Variants in BEAN1 observed in about 807,000 individuals in gnomAD.
BEAN1 encodes the protein protein BEAN1.
Under a neutral mutation model 17.7 loss-of-function variants are expected in BEAN1, and 17 were observed. That is an observed-to-expected ratio of 0.96 (90% CI 0.66 to 1.44). The LOEUF (loss-of-function observed/expected upper bound fraction) is 1.44. Among genes scored for constraint, BEAN1 ranks in the 40% most tolerant of loss-of-function variants. BEAN1 has a pLI of 0.00. For missense variants in BEAN1, 359 were observed against 374.1 expected (o/e 0.96, Z 0.33); for synonymous variants, 142 against 151.8 (o/e 0.94, Z 0.47).
chr16:66,483,566 C>A (rs996638245), downstream of BEAN1: 2 of 152,484 alleles, frequency 1.3e-5, no homozygotes, highest in East Asian at 1.9e-4. Context: ...CCCTCCACAA[C>A]ACCATGGCTT....
intron 4 of BEAN1, among the ~76,000 whole-genome samples, chr16:66,479,731 AAGGAGGG>A (rs1963912402): frequency 2.6e-5 from 4 of 152,068 alleles, no homozygotes; most frequent in Non-Finnish European, 5.9e-5. Context: ...ATGGAGCCAG[AAGGAGGG>A]AGTTATGCCC....
At chr16:66,438,489 G>T (rs1962120192) in intron 2 of BEAN1, among the ~76,000 whole-genome samples, 1 of 152,114 alleles carries the variant, frequency 6.6e-6, no homozygotes, top group Non-Finnish European at 1.5e-5. Flanking sequence ...TGTTTCATGG[G>T]ATTGGTGTTC....
intron 4 of BEAN1, among the ~76,000 whole-genome samples, chr16:66,487,973 G>T (rs1211076439): frequency 6.6e-6 from 1 of 152,170 alleles, no homozygotes; most frequent in Non-Finnish European, 1.5e-5. Flanking sequence ...TCCAACTGTT[G>T]AAGGAGGCTG....
chr16:66,449,450 A>G (rs898330935), intron 2 of BEAN1, among the ~76,000 whole-genome samples: 1 of 151,840 alleles, frequency 6.6e-6, no homozygotes, highest in African/African-American at 2.4e-5. Flanking sequence ...TCTACTAAAT[A>G]TACAAAATTA....
At chr16:66,456,960 G>C (rs1335044143) in intron 2 of BEAN1, among the ~76,000 whole-genome samples, 1 of 152,166 alleles carries the variant, frequency 6.6e-6, no homozygotes, top group Non-Finnish European at 1.5e-5. Flanking sequence ...TATTTTTCCA[G>C]TTACGTTTTA....
chr16:66,434,446 C>T lies in BEAN1; in HGVS notation c.-82-3149C>T, dbSNP rs1019992126. 2.6e-5 allele frequency among the ~76,000 whole-genome samples: 4 copies of T among 152,106 alleles called. No homozygotes were observed. The highest frequency in any genetic ancestry group is 2.9e-5 in the Non-Finnish European group (2 of 68,014). ...CCAGGGAGTGGTTTTCTTCTGGGTCCTCCGGCAGAAATCCTGGAGTGGGGG... is the reference window on the plus strand; with the variant it reads ...CCAGGGAGTGGTTTTCTTCTGGGTCTTCCGGCAGAAATCCTGGAGTGGGGG... On this transcript the variant is annotated intron_variant, in intron 1 of 4. Coordinates refer to ENST00000536005, the MANE Select transcript of BEAN1 (RefSeq NM_001178020.3). The surrounding 1 kb of genome is among the most constrained non-coding windows in gnomAD (Gnocchi z 4.3).
At chr16:66,478,418 C>G (rs1348304808) in intron 4 of BEAN1, among the ~76,000 whole-genome samples, 3 of 151,458 alleles carry the variant, frequency 2.0e-5, no homozygotes, top group Non-Finnish European at 2.9e-5. Flanking sequence ...CTGGCTAACA[C>G]GGTGAAACCC....
intron 2 of BEAN1, among the ~76,000 whole-genome samples, chr16:66,457,174 T>G (rs570450090): frequency 1.3e-5 from 2 of 152,172 alleles, no homozygotes; most frequent in Non-Finnish European, 2.9e-5. Context: ...CAGGCATGAA[T>G]TAAGTGTTTG....
At chr16:66,454,539 A>G (rs1247443017) in intron 2 of BEAN1, among the ~76,000 whole-genome samples, 1 of 152,162 alleles carries the variant, frequency 6.6e-6, no homozygotes, top group Non-Finnish European at 1.5e-5. Context: ...TGATATCAGC[A>G]TAACCACTCA....
intron 1 of BEAN1, among the ~76,000 whole-genome samples, chr16:66,432,544 A>G (rs912170015): frequency 1.3e-5 from 2 of 152,248 alleles, no homozygotes; most frequent in African/African-American, 4.8e-5. Flanking sequence ...CCCCTGTGAC[A>G]TGGCATCATG....
Position 66,473,724 on chromosome 16 carries a change from T to A in BEAN1, c.290-3836T>A, listed in dbSNP as rs572908850. Among the ~76,000 whole-genome samples, 28 of 151,478 alleles carry A rather than the reference T, an allele frequency of 1.8e-4. No individual in the cohort carries two copies. In the East Asian group the frequency reaches 1.9e-3, roughly 10 times the overall value. On this transcript the variant is annotated intron_variant, in intron 3 of 4. Coordinates refer to ENST00000536005, the MANE Select transcript of BEAN1 (RefSeq NM_001178020.3). The surrounding 1 kb of genome is among the most constrained non-coding windows in gnomAD (Gnocchi z 4.5). ...AATAAATAAATAAATAAATAAATAA[T>A]AAATAATAAATAAAGAGGGAGGGGC...
Position 66,481,088 on chromosome 16 carries a change from C to G in BEAN1, c.*163C>G. The G allele has an allele frequency of 1.7e-6, 1 of 581,664 alleles. No individual in the cohort carries two copies. The highest frequency in any genetic ancestry group is 2.9e-6 in the Non-Finnish European group (1 of 344,840). The allele number at this position is 581,664 out of a possible 1,614,324, so 36.0% of individuals were successfully genotyped here. A position where few individuals can be genotyped will look rare whatever the true frequency, so the allele number is the denominator to read the frequency against. Reference sequence around the variant, plus strand: ...CATCTACACTGACATACCCCATGTACACACACAGATCTAGACGTGCTCCAC... The same window carrying G: ...CATCTACACTGACATACCCCATGTAGACACACAGATCTAGACGTGCTCCAC... On this transcript the variant is annotated 3_prime_UTR_variant, in exon 5 of 5. Transcript: ENST00000536005. The surrounding 1 kb of genome is among the most constrained non-coding windows in gnomAD (Gnocchi z 4.1).
intron 4 of BEAN1, among the ~76,000 whole-genome samples, chr16:66,490,449 TAAA>T (rs897808289): frequency 3.5e-5 from 5 of 142,488 alleles, no homozygotes; most frequent in South Asian, 2.2e-4. Context: ...TAAAATAAAA[TAAA>T]ATAATAAAAT....
downstream of BEAN1, among the ~76,000 whole-genome samples, chr16:66,494,564 A>T (rs1489287312): frequency 4.6e-5 from 7 of 152,154 alleles, no homozygotes; most frequent in Admixed American, 1.3e-4. Flanking sequence ...TGCAGCTCTG[A>T]GTAGCCGCTT....
intron 2 of BEAN1, among the ~76,000 whole-genome samples, chr16:66,461,479 C>T (rs780716270): frequency 7.9e-5 from 12 of 151,984 alleles, no homozygotes; most frequent in Non-Finnish European, 1.5e-4. Context: ...CTGCTGCTGA[C>T]GCAGGTGAAG....
chr16:66,428,981 G>A (rs977106975), intron 1 of BEAN1, among the ~76,000 whole-genome samples: 1 of 152,188 alleles, frequency 6.6e-6, no homozygotes, highest in Non-Finnish European at 1.5e-5. Context: ...GCATCTGACT[G>A]TAAGGTGCAC....
At chr16:66,493,356 G>C in exon 5 of BEAN1, 1 of 668,532 alleles carries the variant, frequency 1.5e-6, no homozygotes, top group Non-Finnish European at 2.7e-6. Context: ...GGCACTGCTG[G>C]CCAGAGATCT....
chr16:66,465,389 G>A (rs1280290615), intron 2 of BEAN1, among the ~76,000 whole-genome samples: 1 of 152,074 alleles, frequency 6.6e-6, no homozygotes, highest in African/African-American at 2.4e-5. Context: ...TTGGTATCAG[G>A]GTAATGCTGG....
downstream of BEAN1, chr16:66,484,179 T>G: frequency 4.9e-6 from 1 of 205,878 alleles, no homozygotes; most frequent in Non-Finnish European, 1.0e-5. The surrounding 1 kb of genome is among the most constrained non-coding windows in gnomAD (Gnocchi z 4.2). Context: ...GTAAGCAAAA[T>G]AATCATTTTG....
Sources: gnomAD v4.1 joint callset for allele counts (sites outside exome capture counted in the v4.1 genomes callset) on GRCh38, gnomAD v4.1.1 for gene constraint, Gnocchi (gnomAD v3.1) non-coding constraint, MANE v1.5 for transcripts, NCBI Gene and HGNC (gene_info 2026-07-23, HGNC 2026-07-21) for gene names.